RREB1: variants seen among roughly 807,000 people sequenced by gnomAD.
RREB1 encodes ras-responsive element-binding protein 1.
A neutral mutation model predicts 117.8 loss-of-function variants in RREB1; 27 were observed. The ratio of observed to expected loss-of-function variants is 0.23; its 90% CI spans 0.17 to 0.32. The LOEUF (loss-of-function observed/expected upper bound fraction) is 0.32. Among genes scored for constraint, RREB1 ranks in the 10% least tolerant of loss-of-function variants. The pLI is 1.00. For missense variants in RREB1, 2,577 were observed against 2,378.2 expected (o/e 1.08, Z -1.74); for synonymous variants, 1,298 against 1,026.7 (o/e 1.26, Z -5.05).
At chr6:7,180,123 G>T (rs898963421) in intron 2 of RREB1, among the ~76,000 whole-genome samples, 1 of 152,082 alleles carries the variant, frequency 6.6e-6, no homozygotes, top group Non-Finnish European at 1.5e-5. Context: ...ATGTTTCTGC[G>T]GTTAGTCCTT....
In RREB1 at chr6:7,248,543, C is replaced by A. The variant is rs750951280; in HGVS notation, c.4804C>A (p.Arg1602=). The part of the protein sequence containing the change: ...ERPYKCQTCE[R]TFTLKHSLVR... Reference sequence around the variant, plus strand: ...GCCATACAAATGTCAGACCTGCGAGCGAACCTTCACCTTGAAGCACAGCCT... The same window carrying A: ...GCCATACAAATGTCAGACCTGCGAGAGAACCTTCACCTTGAAGCACAGCCT... The change falls in exon 13 of 13, where the codon CGA becomes AGA. Residue 1602 remains arginine (R), a synonymous_variant. Transcript: ENST00000379938. 1 of 1,614,232 alleles carries A rather than the reference C, an allele frequency of 6.2e-7. No homozygotes were observed. Among genetic ancestry groups the A allele is most frequent in the Non-Finnish European group, 8.5e-7 (1 of 1,180,036 alleles).
chr6:7,236,414 C>T (rs1234526226), intron 10 of RREB1, among the ~76,000 whole-genome samples: 3 of 152,182 alleles, frequency 2.0e-5, no homozygotes, highest in East Asian at 1.9e-4. Context: ...GTCAGAGCTT[C>T]GGTCAGTGAG....
chr6:7,211,117 G>A (rs192620957), intron 7 of RREB1, among the ~76,000 whole-genome samples, 169 bp downstream of exon 7: 2 of 152,348 alleles, frequency 1.3e-5, no homozygotes, highest in African/African-American at 4.8e-5. Flanking sequence ...GTACCAGTGT[G>A]CACTTCCTCT....
At chr6:7,133,818 A>G (rs1397556292) in intron 1 of RREB1, among the ~76,000 whole-genome samples, 2 of 152,240 alleles carry the variant, frequency 1.3e-5, no homozygotes, top group African/African-American at 4.8e-5. Flanking sequence ...AGTCAGAGAT[A>G]AATCATTGTT....
chr6:7,177,263 A>G (rs999232392), intron 2 of RREB1, among the ~76,000 whole-genome samples: 4 of 150,170 alleles, frequency 2.7e-5, no homozygotes, highest in African/African-American at 9.8e-5. Context: ...AATTGTAACT[A>G]TAACTTGTTA....
chr6:7,160,396 G>A (rs538118100), intron 1 of RREB1, among the ~76,000 whole-genome samples: 2 of 152,178 alleles, frequency 1.3e-5, no homozygotes, highest in South Asian at 2.1e-4. Context: ...TGATACATAC[G>A]TTGTTTCAGA....
At position 7,135,377 on chromosome 6, in the gene RREB1, T is replaced by C. The variant is rs569841317; in HGVS notation, c.-285+27317T>C. On this transcript the variant is annotated intron_variant, in intron 1 of 12. Coordinates refer to ENST00000379938, the MANE Select transcript of RREB1 (RefSeq NM_001003699.4). ...GTAAATCCAGGGAAATTCTAAGCAT[T>C]CTGAAAGCTGCTTTTAGGCAGGGCA... 3.3e-4 allele frequency among the ~76,000 whole-genome samples: 51 copies of C among 152,320 alleles called. 2 individuals carry two copies. The highest frequency in any genetic ancestry group is 1.2e-3 in the African/African-American group (50 of 41,572).
At chr6:7,171,589 T>C (rs967612341) in intron 1 of RREB1, among the ~76,000 whole-genome samples, 10 of 152,322 alleles carry the variant, frequency 6.6e-5, no homozygotes, top group African/African-American at 2.2e-4. Context: ...CCTTTGTCTT[T>C]ATGGCTGTAC....
chr6:7,125,289 T>A (rs1761858294), intron 1 of RREB1, among the ~76,000 whole-genome samples: 1 of 152,248 alleles, frequency 6.6e-6, no homozygotes, highest in Non-Finnish European at 1.5e-5. Flanking sequence ...GGTGAAACAC[T>A]GGACAAATTC....
rs1335261217 is a variant in RREB1 at position 7,246,726 on chromosome 6, G to C, written c.4276G>C (p.Asp1426His). 6 of 1,582,714 alleles carry C rather than the reference G, an allele frequency of 3.8e-6. No homozygotes were observed. Among genetic ancestry groups the C allele is most frequent in the Non-Finnish European group, 5.2e-6 (6 of 1,164,998 alleles). Residue 1426 changes from aspartate (D) to histidine (H), a missense_variant, in exon 12 of 13, where the codon GAC becomes CAC. Physicochemically the swap from Asp to His is moderately conservative, Grantham distance 81. Transcript: ENST00000379938. ...CCTGGACTTCGCCACCAAGCTCATG[G>C]ACTTCAAGCTGGCGGAGGGCGACGG... The part of the protein sequence containing the change: ...LDLDFATKLM[D>H]FKLAEGDGEA...
intron 1 of RREB1, among the ~76,000 whole-genome samples, chr6:7,146,733 G>C (rs532691802): frequency 1.3e-5 from 2 of 151,688 alleles, no homozygotes; most frequent in East Asian, 3.9e-4. Context: ...ACTCACATAG[G>C]CTATTTCTGG....
chr6:7,157,436 A>G (rs1470670347), intron 1 of RREB1, among the ~76,000 whole-genome samples: 1 of 151,194 alleles, frequency 6.6e-6, no homozygotes, highest in Non-Finnish European at 1.5e-5. Flanking sequence ...TCCATCTCAA[A>G]AAAAAAAAAA....
chr6:7,224,787 TC>T (rs955592881), intron 8 of RREB1, among the ~76,000 whole-genome samples: 1 of 151,926 alleles, frequency 6.6e-6, no homozygotes, highest in African/African-American at 2.4e-5. Flanking sequence ...TCCAGATCTG[TC>T]CCTTCCCTGG....
intron 10 of RREB1, among the ~76,000 whole-genome samples, chr6:7,233,904 G>C (rs1464620724): frequency 6.6e-6 from 1 of 152,212 alleles, no homozygotes; most frequent in Non-Finnish European, 1.5e-5. Context: ...CTGGGAGCCA[G>C]AGGGGAGTTG....
intron 6 of RREB1, among the ~76,000 whole-genome samples, 189 bp from the exon 7 acceptor site, chr6:7,210,615 G>A (rs1766526238): frequency 6.6e-6 from 1 of 152,340 alleles, no homozygotes; most frequent in East Asian, 1.9e-4. Context: ...GACAGCACTT[G>A]TAAGAGCTTT....
chr6:7,142,503 A>G (rs1358299911), intron 1 of RREB1, among the ~76,000 whole-genome samples: 1 of 152,034 alleles, frequency 6.6e-6, no homozygotes, highest in Non-Finnish European at 1.5e-5. Flanking sequence ...ACTGTTTGGT[A>G]ACCATCAGGC....
chr6:7,128,628 C>T (rs1399176791), intron 1 of RREB1, among the ~76,000 whole-genome samples: 1 of 151,592 alleles, frequency 6.6e-6, no homozygotes, highest in Non-Finnish European at 1.5e-5. Flanking sequence ...TTTAGATAAT[C>T]TCAATATACG....
chr6:7,150,010 T>A (rs1016086726), intron 1 of RREB1, among the ~76,000 whole-genome samples: 121 of 151,312 alleles, frequency 8.0e-4, no homozygotes, highest in African/African-American at 2.7e-3. Context: ...TTTTTTTTTT[T>A]ATTCTTTTTT....
intron 1 of RREB1, among the ~76,000 whole-genome samples, chr6:7,160,752 T>C (rs1763619266): frequency 6.6e-6 from 1 of 151,874 alleles, no homozygotes. Flanking sequence ...TGTGGTGCAA[T>C]CTCAGCTCAC....
Sources: gnomAD v4.1 joint callset for allele counts (sites outside exome capture counted in the v4.1 genomes callset) on GRCh38, gnomAD v4.1.1 for gene constraint, MANE v1.5 for transcripts, NCBI Gene and HGNC (gene_info 2026-07-23, HGNC 2026-07-21) for gene names.